LDAH: variants seen among roughly 807,000 people sequenced by gnomAD.
The protein encoded by LDAH is lipid droplet-associated hydrolase.
In LDAH, 26 loss-of-function variants were observed where a neutral mutation model predicts 29.6. The observed-to-expected ratio is 0.88, with a 90% CI of 0.64 to 1.22. The LOEUF (loss-of-function observed/expected upper bound fraction) is 1.22. Among genes scored for constraint, LDAH ranks in the 50% most tolerant of loss-of-function variants. LDAH has a pLI of 0.00. For synonymous variants in LDAH, 117 were observed against 133.0 expected (o/e 0.88, Z 0.83); for missense variants, 344 against 387.3 (o/e 0.89, Z 0.94).
chr2:20,808,506 A>G (rs1672239645), intron 1 of LDAH, among the ~76,000 whole-genome samples: 1 of 152,008 alleles, frequency 6.6e-6, no homozygotes, highest in African/African-American at 2.4e-5. Flanking sequence ...CACTAAGAAT[A>G]CAAAAAAATT....
intron 4 of LDAH, among the ~76,000 whole-genome samples, chr2:20,754,511 A>T (rs1450211820): frequency 6.6e-6 from 1 of 151,372 alleles, no homozygotes; most frequent in African/African-American, 2.4e-5. Context: ...AAAAAAAAAA[A>T]AAAAAAAAAA....
Position 20,704,024 on chromosome 2 carries a change from A to G in LDAH, c.704-2372T>C, listed in dbSNP as rs553266482. 2.0e-5 allele frequency among the ~76,000 whole-genome samples: 3 copies of G among 152,326 alleles called. No individual in the cohort carries two copies. The South Asian group carries it at 6.2e-4, about 32-fold the overall frequency. ...GTCTGTGCAGTGACAGAGGTGGCCT[A>G]TTTTATGTAAAATTCACTGAAAAGA... On this transcript the variant is annotated intron_variant, in intron 5 of 6. Coordinates refer to ENST00000237822, the MANE Select transcript of LDAH (RefSeq NM_021925.4).
intron 4 of LDAH, among the ~76,000 whole-genome samples, chr2:20,757,022 G>A (rs1240441597): frequency 6.6e-6 from 1 of 152,220 alleles, no homozygotes; most frequent in Non-Finnish European, 1.5e-5. Context: ...GAAGATGGCA[G>A]GCTATCTTGT....
chr2:20,740,200 A>G lies in LDAH; in HGVS notation c.474T>C (p.Ile158=). 2.5e-6 allele frequency: 4 copies of G among 1,606,962 alleles called. No homozygotes were observed. Among genetic ancestry groups the G allele is most frequent in the African/African-American group, 1.3e-5 (1 of 74,892 alleles). ...MLKRVPELPV[I]RAFLLFPTIE... The stretch of plus-strand genomic sequence containing the variant: ...TTGTTGGAAAGAGCAGAAAGGCACG[A>G]ATTACCTGCAATAAAGAAGCATACT... The change falls in exon 5 of 7, where the codon ATT becomes ATC. Residue 158 remains isoleucine (I), a synonymous_variant. Transcript: ENST00000237822.
At chr2:20,691,880 T>A (rs906984360) in intron 6 of LDAH, among the ~76,000 whole-genome samples, 6 of 152,222 alleles carry the variant, frequency 3.9e-5, no homozygotes, top group African/African-American at 1.4e-4. Context: ...GTTACTATGG[T>A]CTCTGGGCTT....
rs1481011216 is a variant in LDAH at position 20,768,668 on chromosome 2, G to A, written c.468+6142C>T. Reference sequence around the variant, plus strand: ...CGAGCAAAACTCAGGCAAAGATTCCGCCAACCACAGGTTTCTGGCCAGAAC... The same window carrying A: ...CGAGCAAAACTCAGGCAAAGATTCCACCAACCACAGGTTTCTGGCCAGAAC... On this transcript the variant is annotated intron_variant, in intron 4 of 6. Transcript: ENST00000237822. Among the ~76,000 whole-genome samples, 4 of 152,152 alleles carry A rather than the reference G, an allele frequency of 2.6e-5. No homozygotes were observed. In the East Asian group the frequency reaches 5.8e-4, roughly 22 times the overall value.
chr2:20,803,790 C>T (rs1269403119), intron 1 of LDAH, among the ~76,000 whole-genome samples: 1 of 152,196 alleles, frequency 6.6e-6, no homozygotes. Context: ...TACTTTTCCT[C>T]AGCCCTAGGG....
chr2:20,817,542 G>A (rs892460367), intron 1 of LDAH, among the ~76,000 whole-genome samples: 1 of 152,100 alleles, frequency 6.6e-6, no homozygotes, highest in African/African-American at 2.4e-5. Context: ...AACCAAGTGA[G>A]ATTTATACCA....
chr2:20,766,086 T>TA (rs1173821741), intron 4 of LDAH, among the ~76,000 whole-genome samples: 2 of 151,994 alleles, frequency 1.3e-5, no homozygotes, highest in Admixed American at 1.3e-4. Flanking sequence ...TTTTTTTTTT[T>TA]ACCTTAACTC....
rs1664687207 is a variant in LDAH at position 20,710,714 on chromosome 2, T to TATTATACATA, written c.704-9063_704-9062insTATGTATAAT. Among the ~76,000 whole-genome samples the TATTATACATA allele has an allele frequency of 3.4e-5, 5 of 147,304 alleles. No homozygotes were observed. The East Asian group carries it at 5.8e-4, about 17-fold the overall frequency. ...TATATTATACATATATACACATATA[T>TATTATACATA]TATACATATATATACATATATATTA... On this transcript the variant is annotated intron_variant, in intron 5 of 6. Transcript: ENST00000237822.
intron 3 of LDAH, chr2:20,789,299 T>C (rs1186582031): frequency 1.9e-6 from 3 of 1,548,924 alleles, no homozygotes; most frequent in Non-Finnish European, 1.7e-6. Flanking sequence ...CCAAGAGGGC[T>C]TGCCTCCTGT....
At chr2:20,695,724 A>C (rs1035086774) in intron 6 of LDAH, among the ~76,000 whole-genome samples, 1 of 152,218 alleles carries the variant, frequency 6.6e-6, no homozygotes, top group South Asian at 2.1e-4. Flanking sequence ...CTGGGATTAC[A>C]GGCATGAGCC....
intron 5 of LDAH, 145 bp from the exon 6 acceptor site, chr2:20,701,797 TGA>T: frequency 1.5e-6 from 1 of 676,618 alleles, no homozygotes; most frequent in South Asian, 1.7e-5. Flanking sequence ...CAGAGGAATG[TGA>T]GTCAGGCAAC....
chr2:20,683,016 G>C (rs1212730366), downstream of LDAH, among the ~76,000 whole-genome samples: 3 of 151,756 alleles, frequency 2.0e-5, no homozygotes, highest in African/African-American at 7.3e-5. Context: ...AGGACTAGGG[G>C]CAACCTCATC....
At chr2:20,765,124 T>G (rs1370555842) in intron 4 of LDAH, among the ~76,000 whole-genome samples, 2 of 152,194 alleles carry the variant, frequency 1.3e-5, no homozygotes, top group Non-Finnish European at 2.9e-5. Flanking sequence ...AATTCCATTT[T>G]CCAAGTTTTC....
chr2:20,801,252 A>G (rs764628351), intron 2 of LDAH, 58 bp downstream of exon 2: 1 of 1,536,328 alleles, frequency 6.5e-7, no homozygotes, highest in Non-Finnish European at 8.8e-7. Flanking sequence ...ATACTTTAAA[A>G]TCAGACATAG....
intron 3 of LDAH, among the ~76,000 whole-genome samples, chr2:20,783,820 G>T (rs919724422): frequency 1.3e-5 from 2 of 152,098 alleles, no homozygotes; most frequent in African/African-American, 4.8e-5. Context: ...CAAGTGATCT[G>T]CCCACCTCAG....
intron 1 of LDAH, among the ~76,000 whole-genome samples, chr2:20,804,685 C>A (rs1232177542): frequency 6.6e-6 from 1 of 151,942 alleles, no homozygotes; most frequent in Non-Finnish European, 1.5e-5. Context: ...TTGTTTATTC[C>A]TTTATTGTTT....
At chr2:20,781,084 C>T (rs1160391347) in intron 3 of LDAH, among the ~76,000 whole-genome samples, 1 of 152,118 alleles carries the variant, frequency 6.6e-6, no homozygotes, top group African/African-American at 2.4e-5. Flanking sequence ...TCTGCTAATA[C>T]AAAACCAGCA....
Sources: gnomAD v4.1 joint callset for allele counts (sites outside exome capture counted in the v4.1 genomes callset) on GRCh38, gnomAD v4.1.1 for gene constraint, MANE v1.5 for transcripts, NCBI Gene and HGNC (gene_info 2026-07-23, HGNC 2026-07-21) for gene names.